The following APCDD1L variants were observed in gnomAD, a reference collection of about 807,000 sequenced individuals.
The protein encoded by APCDD1L is APC down-regulated 1 like.
In APCDD1L, 21 loss-of-function variants were observed where a neutral mutation model predicts 24.2. The ratio of observed to expected loss-of-function variants is 0.87; its 90% confidence interval spans 0.61 to 1.25. The LOEUF is 1.25. Among genes scored for constraint, APCDD1L ranks in the 50% most tolerant of loss-of-function variants. APCDD1L has a pLI of 0.00. For missense variants in APCDD1L, 704 were observed against 711.7 expected, an observed-to-expected ratio of 0.99 and a Z score of 0.12; for synonymous variants, 321 against 323.6, an observed-to-expected ratio of 0.99 and a Z score of 0.09.
intron 3 of APCDD1L, among the ~76,000 whole-genome samples, chr20:58,465,039 C>T (rs1989681411): frequency 1.3e-5 from 2 of 152,084 alleles, no homozygotes; most frequent in Non-Finnish European, 2.9e-5. Flanking sequence ...CAGCCATGGC[C>T]CCAGAGTCCT....
intron 3 of APCDD1L, among the ~76,000 whole-genome samples, chr20:58,466,252 G>A (rs1297718115): frequency 6.6e-6 from 1 of 152,150 alleles, no homozygotes; most frequent in Non-Finnish European, 1.5e-5. Context: ...TTGGAGTCAA[G>A]GCGGAACATG....
rs1348606926 is a variant in APCDD1L at position 58,467,301 on chromosome 20, CT to C, written c.545del (p.Gln182ArgfsTer179). 2 of 1,535,290 alleles carry C rather than the reference CT, an allele frequency of 1.3e-6. No individual in the cohort carries two copies. The highest frequency in any genetic ancestry group is 1.7e-6 in the Non-Finnish European group (2 of 1,147,830). ...GGCCCAGCGCCTCCAGGCAGTCCCC[CT>C]GAGCCCGGGCGCTCCGCAGCTCGTA... ...ALYELRSARA[Q>X]GDCLEALGLT... On this transcript the variant is annotated frameshift_variant, in exon 3 of 4. Transcript: ENST00000371149. LOFTEE classifies it high-confidence loss of function. The surrounding 1 kb of genome is among the most constrained non-coding windows in gnomAD (Gnocchi z 5.9).
chr20:58,493,476 A>G (rs1990262866), intron 1 of APCDD1L, among the ~76,000 whole-genome samples: 1 of 152,242 alleles, frequency 6.6e-6, no homozygotes, highest in Non-Finnish European at 1.5e-5. Context: ...AAGAAGAGAA[A>G]AATAACTTGC....
chr20:58,484,134 G>A (rs1990075690), intron 1 of APCDD1L, among the ~76,000 whole-genome samples: 1 of 152,174 alleles, frequency 6.6e-6, no homozygotes, highest in Non-Finnish European at 1.5e-5. Flanking sequence ...CAGAGAAGAG[G>A]GTCAAAACCA....
chr20:58,486,854 G>GTTTTTTTTTTTTTTTTTTTT (rs747539318), intron 1 of APCDD1L, among the ~76,000 whole-genome samples: 1 of 80,438 alleles, frequency 1.2e-5, no homozygotes, highest in Non-Finnish European at 2.1e-5. Flanking sequence ...TGGAGGGAAG[G>GTTTTTTTTTTTTTTTTTTTT]TTTTTTTTTT....
chr20:58,466,873 C>T (rs527510620), intron 3 of APCDD1L, among the ~76,000 whole-genome samples: 1 of 152,298 alleles, frequency 6.6e-6, no homozygotes, highest in Non-Finnish European at 1.5e-5. Context: ...GTGGGAAGGC[C>T]GACCAGAGGC....
chr20:58,499,237 C>T (rs1291139509), intron 1 of APCDD1L, among the ~76,000 whole-genome samples: 43 of 152,162 alleles, frequency 2.8e-4, no homozygotes, highest in Non-Finnish European at 6.2e-4. Context: ...TGTGTGTCCT[C>T]CTGGTGGCCA....
chr20:58,499,998 T>TA (rs1264971576), intron 1 of APCDD1L, among the ~76,000 whole-genome samples: 1 of 152,128 alleles, frequency 6.6e-6, no homozygotes, highest in Non-Finnish European at 1.5e-5. Context: ...ATTGTTTTTT[T>TA]AAAAAAACAC....
intron 1 of APCDD1L, among the ~76,000 whole-genome samples, chr20:58,487,567 T>C (rs576452970): frequency 1.3e-5 from 2 of 152,364 alleles, no homozygotes; most frequent in South Asian, 4.1e-4. Context: ...AGCTATGTGT[T>C]ATTTATAACA....
chr20:58,486,844 T>C (rs889084558), intron 1 of APCDD1L, among the ~76,000 whole-genome samples: 1 of 140,396 alleles, frequency 7.1e-6, no homozygotes, highest in African/African-American at 2.6e-5. Context: ...GAAAATTTAC[T>C]GGAGGGAAGG....
In APCDD1L at chr20:58,501,643, C is replaced by T. The variant is rs531500767; in HGVS notation, c.49+13016G>A. 7.9e-5 allele frequency among the ~76,000 whole-genome samples: 12 copies of T among 152,328 alleles called. No homozygotes were observed. In the South Asian group the frequency reaches 1.4e-3, roughly 18 times the overall value. ...TAGAAAGCAAATACAGACCTCCCAT[C>T]CAGTTCATCTCCAAGTCCTGACAGT... On this transcript the variant is annotated intron_variant, in intron 1 of 3. Coordinates refer to ENST00000371149, the MANE Select transcript of APCDD1L (RefSeq NM_153360.3).
Position 58,467,153 on chromosome 20 carries a change from G to T in APCDD1L, c.694C>A (p.Arg232=). Residue 232 remains arginine, a synonymous_variant, in exon 3 of 4, where the codon CGG becomes AGG. Coordinates refer to ENST00000371149, the MANE Select transcript of APCDD1L (RefSeq NM_153360.3). The surrounding 1 kb of genome is among the most constrained non-coding windows in gnomAD (Gnocchi z 5.9). ...TGGTAGCCCGTGGGCCGGTAGTGCC[G>T]CCTCTCCGCCGGGTCGGTGTGGATG... ...GDIHTDPAER[R]HYRPTGYQRP... 1 of 1,607,936 alleles carries T rather than the reference G, an allele frequency of 6.2e-7. No homozygotes were observed.
At chr20:58,484,806 C>A (rs527559757) in intron 1 of APCDD1L, among the ~76,000 whole-genome samples, 30 of 152,266 alleles carry the variant, frequency 2.0e-4, no homozygotes, top group African/African-American at 6.5e-4. Context: ...GTGGAATTTT[C>A]AAAATGTATT....
rs147147447 is a variant in APCDD1L, at chr20:58,470,703, G to A, written c.94C>T (p.Arg32Cys). 108 of 1,548,066 alleles carry A rather than the reference G, an allele frequency of 7.0e-5. No individual in the cohort carries two copies. The highest frequency in any genetic ancestry group is 5.2e-4 in the African/African-American group (38 of 73,488). The change falls in exon 2 of 4, where the codon CGC (arginine) becomes TGC (cysteine). Residue 32 changes from arginine (R) to cysteine (C), a missense_variant. Physicochemically the swap from Arg to Cys is radical, Grantham distance 180. Transcript: ENST00000371149. ...GGCTGCTGGCAGTGGGGTTCCCAGC[G>A]CAGGCAGCTGCCCCCGGCCTCCCCA... ...AAGEAGGSCL[R>C]WEPHCQQPLP...
Position 58,481,712 on chromosome 20 carries a change from T to C in APCDD1L, c.50-10965A>G, listed in dbSNP as rs575737916. ...TTTGGTTGGGGCGATTGGGAGCCAG[T>C]GGCGAACCCTCACCCCGCCGGCTCC... On this transcript the variant is annotated intron_variant, in intron 1 of 3. Transcript: ENST00000371149. Among the ~76,000 whole-genome samples the C allele has an allele frequency of 2.0e-5, 3 of 152,284 alleles. No individual in the cohort carries two copies. In the South Asian group the frequency reaches 6.2e-4, roughly 32 times the overall value.
At chr20:58,464,193 G>C (rs569092051) in intron 3 of APCDD1L, among the ~76,000 whole-genome samples, 5 of 152,226 alleles carry the variant, frequency 3.3e-5, no homozygotes, top group African/African-American at 1.2e-4. Context: ...TATATATTGA[G>C]AAGACATAAT....
intron 3 of APCDD1L, among the ~76,000 whole-genome samples, chr20:58,466,182 C>T (rs1248753651): frequency 6.7e-6 from 1 of 149,526 alleles, no homozygotes; most frequent in African/African-American, 2.5e-5. Flanking sequence ...CAAATTAGGA[C>T]GGTATGCGTG....
At chr20:58,470,954 TCTC>T (rs1989801349) in intron 1 of APCDD1L, among the ~76,000 whole-genome samples, 1 of 152,100 alleles carries the variant, frequency 6.6e-6, no homozygotes, top group Non-Finnish European at 1.5e-5. Context: ...CCCCGACGCA[TCTC>T]CTCCTGGGTT....
At chr20:58,483,603 T>C (rs1990065689) in intron 1 of APCDD1L, among the ~76,000 whole-genome samples, 2 of 152,240 alleles carry the variant, frequency 1.3e-5, no homozygotes, top group Admixed American at 1.3e-4. Flanking sequence ...AGAGAAATGT[T>C]GACTCAGTTA....
Sources: gnomAD v4.1 joint callset for allele counts (sites outside exome capture counted in the v4.1 genomes callset) on GRCh38, gnomAD v4.1.1 for gene constraint, Gnocchi (gnomAD v3.1) non-coding constraint, MANE v1.5 for transcripts, NCBI Gene and HGNC (gene_info 2026-07-23, HGNC 2026-07-21) for gene names.